Variants in MTA3 observed in about 807,000 individuals in gnomAD.
MTA3 encodes the protein metastasis associated 1 family member 3, also known as metastasis-associated protein MTA3.
In MTA3, 34 loss-of-function variants were observed where a neutral mutation model predicts 83.5. The ratio of observed to expected loss-of-function variants is 0.41; its 90% CI spans 0.31 to 0.54. The LOEUF (loss-of-function observed/expected upper bound fraction) is 0.54. MTA3 is among the 20% of genes least tolerant of loss of function. The pLI is 0.33. For synonymous variants in MTA3, 303 were observed against 252.7 expected (o/e 1.20, Z -1.89); for missense variants, 761 against 726.4 (o/e 1.05, Z -0.55).
At chr2:42,686,651 C>T (rs1692394888) in intron 9 of MTA3, among the ~76,000 whole-genome samples, 1 of 152,048 alleles carries the variant, frequency 6.6e-6, no homozygotes, top group East Asian at 1.9e-4. Flanking sequence ...ATGGTGAAAC[C>T]CTGTGTCTAC....
intron 16 of MTA3, among the ~76,000 whole-genome samples, chr2:42,726,568 A>G (rs1553397156): frequency 6.6e-6 from 1 of 151,400 alleles, no homozygotes; most frequent in Non-Finnish European, 1.5e-5. Flanking sequence ...ATGTGTTCTC[A>G]TTGTTCAATT....
intron 6 of MTA3, among the ~76,000 whole-genome samples, chr2:42,647,515 TC>T (rs71410121): frequency 6.8e-6 from 1 of 147,878 alleles, no homozygotes; most frequent in Non-Finnish European, 1.5e-5. Context: ...GTGTGTGCCA[TC>T]CCCCCACCCC....
chr2:42,662,793 G>A (rs1689849400), intron 8 of MTA3, among the ~76,000 whole-genome samples: 1 of 149,612 alleles, frequency 6.7e-6, no homozygotes, highest in African/African-American at 2.5e-5. Flanking sequence ...GTGCAGTGGT[G>A]CGATCTCGGC....
intron 2 of MTA3, among the ~76,000 whole-genome samples, chr2:42,556,875 T>C (rs1186720809): frequency 2.6e-5 from 4 of 152,216 alleles, no homozygotes; most frequent in African/African-American, 9.6e-5. Context: ...AGGTCTGACT[T>C]AGGCTCTGTG....
At chr2:42,707,095 G>A (rs995735898) in intron 12 of MTA3, among the ~76,000 whole-genome samples, 1 of 151,492 alleles carries the variant, frequency 6.6e-6, no homozygotes, top group Admixed American at 6.6e-5. Context: ...CTCTGTAGTC[G>A]CTGGGACTAC....
At chr2:42,568,910 A>G (rs1479658565) in intron 1 of MTA3, 137 bp downstream of exon 1, 17 of 895,574 alleles carry the variant, frequency 1.9e-5, no homozygotes, top group Non-Finnish European at 2.3e-5. Context: ...CGGGGCCCGC[A>G]GAGGGGCCGG....
intron 6 of MTA3, among the ~76,000 whole-genome samples, chr2:42,655,403 C>T (rs1205640377): frequency 1.3e-5 from 2 of 152,096 alleles, no homozygotes; most frequent in African/African-American, 4.8e-5. Context: ...AAAAAATCTT[C>T]CCCTGCTGGT....
intron 2 of MTA3, among the ~76,000 whole-genome samples, chr2:42,573,463 C>G (rs1291792233): frequency 6.6e-6 from 1 of 152,160 alleles, no homozygotes; most frequent in Non-Finnish European, 1.5e-5. Context: ...CCTCCTGCCT[C>G]AGCTTTCCAA....
chr2:42,609,392 C>T (rs1683903904), intron 3 of MTA3, 66 bp from the exon 4 acceptor site: 2 of 1,464,622 alleles, frequency 1.4e-6, no homozygotes, highest in Non-Finnish European at 1.9e-6. Flanking sequence ...TTGATTTGAT[C>T]TGTTTCAATA....
upstream of MTA3, chr2:42,568,002 C>T (rs1369244489): frequency 1.3e-5 from 2 of 152,260 alleles, no homozygotes; most frequent in Non-Finnish European, 2.9e-5. Flanking sequence ...GTTAGGGTGG[C>T]CTAGGAAGGG....
intron 13 of MTA3, 81 bp downstream of exon 13, chr2:42,708,135 G>C: frequency 7.3e-7 from 1 of 1,364,424 alleles, no homozygotes; most frequent in Non-Finnish European, 9.7e-7. Flanking sequence ...GTACAGTATA[G>C]GATAATTAAA....
intron 3 of MTA3, among the ~76,000 whole-genome samples, chr2:42,594,879 A>G (rs981348053): frequency 6.8e-5 from 9 of 132,656 alleles, no homozygotes; most frequent in South Asian, 2.7e-4. Flanking sequence ...AGAGCCTGCC[A>G]CTACGCCTGG....
At chr2:42,691,389 C>T (rs943279298) in intron 9 of MTA3, among the ~76,000 whole-genome samples, 13 of 152,160 alleles carry the variant, frequency 8.5e-5, no homozygotes, top group Non-Finnish European at 1.6e-4. Flanking sequence ...CACACATCCC[C>T]CCCTAAAACT....
At chr2:42,538,476 G>A (rs1340165786) in intron 2 of MTA3, among the ~76,000 whole-genome samples, 1 of 152,030 alleles carries the variant, frequency 6.6e-6, no homozygotes, top group African/African-American at 2.4e-5. Flanking sequence ...GGGAGGCCAA[G>A]GCAAGCAGAT....
intron 9 of MTA3, among the ~76,000 whole-genome samples, chr2:42,694,785 C>T (rs1159980485): frequency 6.6e-6 from 1 of 152,100 alleles, no homozygotes; most frequent in African/African-American, 2.4e-5. Flanking sequence ...TGTTTAAATG[C>T]CGTTTCTAAA....
chr2:42,598,100 T>C lies in MTA3; in HGVS notation c.191-11358T>C, dbSNP rs1372590923. 2.0e-5 allele frequency among the ~76,000 whole-genome samples: 3 copies of C among 152,036 alleles called. No individual in the cohort carries two copies. In the East Asian group the frequency reaches 5.8e-4, roughly 29 times the overall value. On this transcript the variant is annotated intron_variant, in intron 3 of 16. Transcript: ENST00000405094. ...TTCTTTTTGTTTTTTTGAGACAGAA[T>C]CTTGCTCTGTTGCCCAGGCCGGAGT...
intron 2 of MTA3, among the ~76,000 whole-genome samples, chr2:42,553,012 C>G (rs935249472): frequency 1.3e-5 from 2 of 151,500 alleles, no homozygotes; most frequent in Admixed American, 1.3e-4. Flanking sequence ...TATGATGGCT[C>G]ACACCTATAA....
chr2:42,683,831 T>TA (rs1338921470), intron 9 of MTA3, among the ~76,000 whole-genome samples: 1 of 152,182 alleles, frequency 6.6e-6, no homozygotes, highest in East Asian at 1.9e-4. Context: ...TTCGCTCGCT[T>TA]GTCCATTCAA....
chr2:42,721,040 G>A (rs936650790), intron 15 of MTA3, among the ~76,000 whole-genome samples: 18 of 150,952 alleles, frequency 1.2e-4, no homozygotes, highest in Admixed American at 1.2e-3. Context: ...TGCTCCTACT[G>A]TGGGCAAATT....
Sources: gnomAD v4.1 joint callset for allele counts (sites outside exome capture counted in the v4.1 genomes callset) on GRCh38, gnomAD v4.1.1 for gene constraint, MANE v1.5 for transcripts, NCBI Gene and HGNC (gene_info 2026-07-23, HGNC 2026-07-21) for gene names.